The following NRDC variants were observed in gnomAD, a reference collection of about 807,000 sequenced individuals.
NRDC encodes nardilysin.
Under a neutral mutation model 147.1 loss-of-function variants are expected in NRDC, and 54 were observed. The observed-to-expected ratio is 0.37, with a 90% CI of 0.29 to 0.46. NRDC has a LOEUF of 0.46. Among genes scored for constraint, NRDC ranks in the 20% least tolerant of loss-of-function variants. The probability of loss-of-function intolerance (pLI) is 1.00; values close to 1 mark genes in which losing one functional copy is unlikely to be tolerated. For synonymous variants in NRDC, 440 were observed against 482.1 expected (o/e 0.91, Z 1.14); for missense variants, 1,082 against 1,370.6 (o/e 0.79, Z 3.33).
chr1:51,866,912 G>C (rs1015547732), intron 1 of NRDC, among the ~76,000 whole-genome samples: 3 of 152,140 alleles, frequency 2.0e-5, no homozygotes, highest in Non-Finnish European at 4.4e-5. Context: ...GCAATATAAA[G>C]AGGGCTTCAG....
rs550009588 is a variant in NRDC at position 51,846,937 on chromosome 1, T to G, written c.342-6423A>C. ...TTCTCCACCTCCCCACTAGATTAGCTAGATACAGAGTGCTGATTGGTGCAT... is the reference window on the plus strand; with the variant it reads ...TTCTCCACCTCCCCACTAGATTAGCGAGATACAGAGTGCTGATTGGTGCAT... On this transcript the variant is annotated intron_variant, in intron 1 of 30. Transcript: ENST00000352171. Among the ~76,000 whole-genome samples, 16 of 152,308 alleles carry G rather than the reference T, an allele frequency of 1.1e-4. 1 individual carries two copies. In the South Asian group the frequency reaches 3.3e-3, roughly 32 times the overall value.
intron 1 of NRDC, among the ~76,000 whole-genome samples, chr1:51,855,607 G>A (rs1557933722): frequency 6.6e-6 from 1 of 151,978 alleles, no homozygotes; most frequent in Non-Finnish European, 1.5e-5. Context: ...CAACATGTAA[G>A]AGTTCCTTCA....
intron 2 of NRDC, among the ~76,000 whole-genome samples, chr1:51,839,680 T>G (rs111622137): frequency 0.013 from 1,958 of 152,312 alleles, 47 homozygotes; most frequent in African/African-American, 0.045. Flanking sequence ...CCAAAGTACT[T>G]ATTTGTCCAG....
chr1:51,857,758 G>A (rs1019530725), intron 1 of NRDC, among the ~76,000 whole-genome samples: 1 of 152,150 alleles, frequency 6.6e-6, no homozygotes, highest in Admixed American at 6.5e-5. Context: ...TCCAGGATCA[G>A]GCAGAAACTA....
chr1:51,814,877 A>G (rs1269989280), intron 11 of NRDC, 64 bp from the exon 12 acceptor site: 14 of 1,452,324 alleles, frequency 9.6e-6, no homozygotes, highest in Non-Finnish European at 1.2e-5. Flanking sequence ...AGACATTCAA[A>G]TTAACAAAAT....
At chr1:51,836,580 T>C (rs1487418119) in intron 2 of NRDC, 1 of 672,074 alleles carries the variant, frequency 1.5e-6, no homozygotes, top group East Asian at 2.7e-5. Context: ...TCTGCGGAAG[T>C]AACATATCTA....
chr1:51,789,549 G>A lies in NRDC; in HGVS notation c.3258+19C>T, dbSNP rs537953908. 3 of 1,602,578 alleles carry A rather than the reference G, an allele frequency of 1.9e-6. No homozygotes were observed. The highest frequency in any genetic ancestry group is 1.3e-5 in the African/African-American group (1 of 74,820). On this transcript the variant is annotated intron_variant, in intron 30 of 30. Transcript: ENST00000352171. The stretch of plus-strand genomic sequence containing the variant: ...AAATGACAACCCTAGAATGGATGGA[G>A]TTAGTTAAACATACTCACATGAACG...
chr1:51,791,072 A>C (rs954201372), intron 27 of NRDC, 82 bp from the exon 28 acceptor site: 14 of 981,312 alleles, frequency 1.4e-5, no homozygotes, highest in Non-Finnish European at 2.1e-5. Flanking sequence ...GGCAGAAGGC[A>C]AAAGAAGGAA....
Position 51,809,772 on chromosome 1 carries a change from T to C in NRDC, c.1904-371A>G, listed in dbSNP as rs1000441304. On this transcript the variant is annotated intron_variant, in intron 16 of 30. Coordinates refer to ENST00000352171, the MANE Select transcript of NRDC (RefSeq NM_001101662.2). ...ACAAAATTAGCCGGGCATGGTGGCA[T>C]ATGCCTGTAATCCCAGCTACTTGGG... Among the ~76,000 whole-genome samples, 44 of 151,964 alleles carry C rather than the reference T, an allele frequency of 2.9e-4. 1 individual carries two copies. The highest frequency in any genetic ancestry group is 5.9e-4 in the Admixed American group (9 of 15,260).
chr1:51,848,856 G>C (rs1681789865), intron 1 of NRDC, among the ~76,000 whole-genome samples: 1 of 152,056 alleles, frequency 6.6e-6, no homozygotes, highest in African/African-American at 2.4e-5. Flanking sequence ...GCACAAAAAA[G>C]GTCTGTTATT....
chr1:51,845,522 G>A (rs193089304), intron 1 of NRDC, among the ~76,000 whole-genome samples: 2 of 152,302 alleles, frequency 1.3e-5, no homozygotes, highest in African/African-American at 2.4e-5. Flanking sequence ...GAACCCGGGA[G>A]GCGGAGGTTG....
chr1:51,867,596 G>A (rs927561587), intron 1 of NRDC, among the ~76,000 whole-genome samples: 4 of 152,182 alleles, frequency 2.6e-5, no homozygotes, highest in African/African-American at 9.7e-5. Context: ...AGCAGGAAGA[G>A]AACTATGAAC....
At position 51,812,096 on chromosome 1, in the gene NRDC, T is replaced by A. The variant is rs1443240841; in HGVS notation, c.1677A>T (p.Thr559=). The A allele has an allele frequency of 6.2e-7, 1 of 1,610,392 alleles. No individual in the cohort carries two copies. The highest frequency in any genetic ancestry group is 1.3e-5 in the African/African-American group (1 of 74,862). The part of the protein sequence containing the change: ...EDNEFHYQEQ[T]DPVEYVENMC... ...TGTTTTCCACATACTCAACTGGATCTGTCTGTAAAGAGGTAAATTATTTCA... is the reference window on the plus strand; with the variant it reads ...TGTTTTCCACATACTCAACTGGATCAGTCTGTAAAGAGGTAAATTATTTCA... The change falls in exon 15 of 31, where the codon ACA becomes ACT. Residue 559 remains threonine (T), a splice_region_variant and synonymous_variant. Coordinates refer to ENST00000352171, the MANE Select transcript of NRDC (RefSeq NM_001101662.2).
At chr1:51,796,749 G>A (rs939445726) in intron 22 of NRDC, among the ~76,000 whole-genome samples, 7 of 150,822 alleles carry the variant, frequency 4.6e-5, no homozygotes, top group African/African-American at 7.3e-5. Flanking sequence ...CACCAAGCCC[G>A]GCTAATTTTT....
At chr1:51,871,515 TAAAAAAAAAAAAAAAA>T (rs60495773) in intron 1 of NRDC, among the ~76,000 whole-genome samples, 1 of 20,974 alleles carries the variant, frequency 4.8e-5, no homozygotes, top group African/African-American at 1.5e-4. Context: ...ACTGGTTCAT[TAAAAAAAAAAAAAAAA>T]AAAAAAAAAA....
chr1:51,806,369 A>G (rs1679464167), intron 18 of NRDC, among the ~76,000 whole-genome samples: 1 of 152,164 alleles, frequency 6.6e-6, no homozygotes, highest in Non-Finnish European at 1.5e-5. Flanking sequence ...AAGATGGCCA[A>G]ATACCTGGCT....
chr1:51,848,436 G>A (rs557470330), intron 1 of NRDC, among the ~76,000 whole-genome samples: 1 of 152,128 alleles, frequency 6.6e-6, no homozygotes. Flanking sequence ...AGCCGAGATA[G>A]CGCCACGGCA....
chr1:51,855,782 AG>A (rs1335762612), intron 1 of NRDC, among the ~76,000 whole-genome samples: 5 of 152,174 alleles, frequency 3.3e-5, no homozygotes, highest in Non-Finnish European at 7.3e-5. Flanking sequence ...CTGAGGCTGG[AG>A]GATCACTTGA....
At chr1:51,805,940 ATT>A (rs1295211923) in intron 18 of NRDC, among the ~76,000 whole-genome samples, 1 of 152,198 alleles carries the variant, frequency 6.6e-6, no homozygotes, top group Non-Finnish European at 1.5e-5. Context: ...ATTTGAGGAG[ATT>A]TTTAGAAACT....
Sources: gnomAD v4.1 joint callset for allele counts (sites outside exome capture counted in the v4.1 genomes callset) on GRCh38, gnomAD v4.1.1 for gene constraint, MANE v1.5 for transcripts, NCBI Gene and HGNC (gene_info 2026-07-23, HGNC 2026-07-21) for gene names.